Variants in JAZF1 observed in about 807,000 individuals in gnomAD.
The protein encoded by JAZF1 is juxtaposed with another zinc finger protein 1.
JAZF1 carries 8 observed loss-of-function variants against 26.4 expected under a neutral mutation model. That is an observed-to-expected ratio of 0.30 (90% CI 0.18 to 0.55). The LOEUF (loss-of-function observed/expected upper bound fraction) is 0.55, where lower values mean the gene tolerates loss of function less well. JAZF1 is among the 20% of genes least tolerant of loss of function. JAZF1 has a pLI of 0.94. For synonymous variants in JAZF1, 126 were observed against 122.3 expected (o/e 1.03, Z -0.20); for missense variants, 199 against 322.0 (o/e 0.62, Z 2.92).
chr7:27,929,104 A>C (rs1050167544), intron 2 of JAZF1, among the ~76,000 whole-genome samples: 1 of 152,232 alleles, frequency 6.6e-6, no homozygotes, highest in African/African-American at 2.4e-5. Context: ...TATTCTAAGC[A>C]ACTTATCCCT....
rs182373387 is a variant in JAZF1, at chr7:27,840,668, G to T, written c.555+30C>A. On this transcript the variant is annotated intron_variant, in intron 4 of 4. Transcript: ENST00000283928. The surrounding 1 kb of genome is among the most constrained non-coding windows in gnomAD (Gnocchi z 5.1). ...ATGAAGCTTGCCCTGTTTCCATGTG[G>T]TTATGCCAAGCATGCAGCACCTCTG... The T allele has an allele frequency of 1.7e-4, 278 of 1,610,464 alleles. No homozygotes were observed. In the African/African-American group the frequency reaches 3.3e-3, roughly 19 times the overall value.
intron 2 of JAZF1, among the ~76,000 whole-genome samples, chr7:27,936,532 C>T (rs1368280893): frequency 1.3e-5 from 2 of 152,188 alleles, no homozygotes; most frequent in South Asian, 2.1e-4. Context: ...TTTTTATTTA[C>T]ACATCTATGC....
intron 1 of JAZF1, among the ~76,000 whole-genome samples, chr7:28,102,836 T>A (rs79723824): frequency 6.6e-6 from 1 of 152,118 alleles, no homozygotes; most frequent in Non-Finnish European, 1.5e-5. Flanking sequence ...TGCTAAAATA[T>A]CAGAACTAGT....
intron 2 of JAZF1, among the ~76,000 whole-genome samples, chr7:27,971,532 A>AT (rs1785375572): frequency 6.6e-6 from 1 of 152,200 alleles, no homozygotes; most frequent in Non-Finnish European, 1.5e-5. Context: ...ATGTGAGAAA[A>AT]TTAAGTAATG....
In JAZF1 at chr7:27,980,392, G is replaced by A. The variant is rs538991461; in HGVS notation, c.188+11517C>T. 2.6e-5 allele frequency among the ~76,000 whole-genome samples: 4 copies of A among 152,176 alleles called. No individual in the cohort carries two copies. The East Asian group carries it at 7.7e-4, about 29-fold the overall frequency. On this transcript the variant is annotated intron_variant, in intron 2 of 4. Coordinates refer to ENST00000283928, the MANE Select transcript of JAZF1 (RefSeq NM_175061.4). ...AAATCATAGGTTTTTTTTCCTACCT[G>A]TAAATATCTATTATGTTCAACATAT... is the stretch of plus-strand genomic sequence containing the variant.
At chr7:28,051,073 A>C (rs1283399521) in intron 1 of JAZF1, among the ~76,000 whole-genome samples, 1 of 147,614 alleles carries the variant, frequency 6.8e-6, no homozygotes, top group Non-Finnish European at 1.5e-5. Context: ...TGGAGGTTGC[A>C]GTCAGCCAAG....
intron 2 of JAZF1, among the ~76,000 whole-genome samples, chr7:27,905,028 G>A (rs1200949435): frequency 6.6e-6 from 1 of 152,146 alleles, no homozygotes; most frequent in East Asian, 1.9e-4. Context: ...TGACCTCCTG[G>A]GCTCAAGTGA....
At chr7:28,016,971 T>C (rs950719461) in intron 1 of JAZF1, among the ~76,000 whole-genome samples, 4 of 152,174 alleles carry the variant, frequency 2.6e-5, no homozygotes, top group African/African-American at 9.7e-5. Context: ...CTATGTCAGA[T>C]GGTAACTTCC....
At chr7:27,835,314 C>A (rs1176309677) in intron 4 of JAZF1, among the ~76,000 whole-genome samples, 1 of 152,172 alleles carries the variant, frequency 6.6e-6, no homozygotes, top group Non-Finnish European at 1.5e-5. Context: ...AGATTTAAGA[C>A]CAGAAATTGC....
intron 2 of JAZF1, among the ~76,000 whole-genome samples, chr7:27,954,948 G>A (rs747899126): frequency 6.6e-5 from 10 of 152,098 alleles, no homozygotes; most frequent in African/African-American, 2.2e-4. Flanking sequence ...AGTAGAGATG[G>A]AGTTTCTCCA....
intron 3 of JAZF1, among the ~76,000 whole-genome samples, chr7:27,894,270 T>C (rs533574014): frequency 4.0e-4 from 61 of 152,308 alleles, no homozygotes; most frequent in Middle Eastern, 3.4e-3. Flanking sequence ...TGGCCTCAGG[T>C]GATCCTCCTG....
intron 1 of JAZF1, among the ~76,000 whole-genome samples, chr7:28,159,194 T>C (rs1783239509): frequency 1.3e-5 from 2 of 152,080 alleles, no homozygotes; most frequent in South Asian, 4.2e-4. Flanking sequence ...AGCCTCCGAA[T>C]AGATGAGACT....
intron 1 of JAZF1, among the ~76,000 whole-genome samples, chr7:28,148,076 C>CT (rs896874846): frequency 1.0e-3 from 148 of 146,148 alleles, no homozygotes; most frequent in African/African-American, 2.2e-3. Flanking sequence ...ATGTTTCTTA[C>CT]TTTTTTTTTT....
intron 2 of JAZF1, among the ~76,000 whole-genome samples, chr7:27,901,234 C>T (rs375860550): frequency 1.5e-4 from 23 of 152,296 alleles, no homozygotes; most frequent in African/African-American, 5.1e-4. Flanking sequence ...GTCTAAGTTA[C>T]TTTAATTTAA....
At chr7:27,859,452 C>T (rs1194226321) in intron 3 of JAZF1, among the ~76,000 whole-genome samples, 8 of 152,242 alleles carry the variant, frequency 5.3e-5, no homozygotes, top group Non-Finnish European at 1.2e-4. Flanking sequence ...CTGTTTACAA[C>T]AGCAAAGACT....
chr7:28,170,337 A>ATGTGTG lies in JAZF1; in HGVS notation c.115+10120_115+10125dup, dbSNP rs61200785. Among the ~76,000 whole-genome samples, 473 of 98,424 alleles carry ATGTGTG rather than the reference A, an allele frequency of 4.8e-3. 8 individuals carry two copies. Among genetic ancestry groups the ATGTGTG allele is most frequent in the Non-Finnish European group, 7.6e-3 (321 of 42,124 alleles). 64.6% of individuals were successfully genotyped at this position (98,424 alleles called of 152,430 possible). A position where few individuals can be genotyped will look rare whatever the true frequency, so the allele number is the denominator to read the frequency against. On this transcript the variant is annotated intron_variant, in intron 1 of 4. Coordinates refer to ENST00000283928, the MANE Select transcript of JAZF1 (RefSeq NM_175061.4). Reference sequence around the variant, plus strand: ...AATCTGAAGTAAAAGAGAAGTTGATATGTGTGTGTGTGTGTGTGTGTGTGT... The same window carrying ATGTGTG: ...AATCTGAAGTAAAAGAGAAGTTGATATGTGTGTGTGTGTGTGTGTGTGTGTGTGTGT...
chr7:27,884,950 C>T (rs543249311), intron 3 of JAZF1, among the ~76,000 whole-genome samples: 5 of 152,204 alleles, frequency 3.3e-5, no homozygotes, highest in Admixed American at 2.0e-4. Flanking sequence ...CTCTGCCGGG[C>T]GGAGGGATAA....
chr7:28,155,711 C>T (rs552800222), intron 1 of JAZF1, among the ~76,000 whole-genome samples: 54 of 152,306 alleles, frequency 3.5e-4, no homozygotes, highest in Non-Finnish European at 6.5e-4. Flanking sequence ...CAAGAAATGA[C>T]CCATGCAGAA....
intron 3 of JAZF1, among the ~76,000 whole-genome samples, chr7:27,847,112 T>TACC (rs1284253337): frequency 1.6e-4 from 25 of 151,522 alleles, no homozygotes; most frequent in Non-Finnish European, 2.6e-4. Flanking sequence ...TATAGGCATG[T>TACC]ACCACCACAG....
Sources: gnomAD v4.1 joint callset for allele counts (sites outside exome capture counted in the v4.1 genomes callset) on GRCh38, gnomAD v4.1.1 for gene constraint, Gnocchi (gnomAD v3.1) non-coding constraint, MANE v1.5 for transcripts, NCBI Gene and HGNC (gene_info 2026-07-23, HGNC 2026-07-21) for gene names.